Variants in TRIM6 observed in about 807,000 individuals in gnomAD.
TRIM6 encodes the protein tripartite motif-containing protein 6.
In TRIM6, 43 loss-of-function variants were observed where a neutral mutation model predicts 51.2. That is an observed-to-expected ratio of 0.84 (90% CI 0.66 to 1.08). TRIM6 has a LOEUF of 1.08. Ranked by LOEUF, TRIM6 falls within the 50% of genes least tolerant of loss-of-function variation. The probability of loss-of-function intolerance (pLI) is 0.00; values close to 1 mark genes in which losing one functional copy is unlikely to be tolerated. For synonymous variants in TRIM6, 215 were observed against 232.4 expected (o/e 0.93, Z 0.68); for missense variants, 669 against 619.0 (o/e 1.08, Z -0.86).
Position 5,610,765 on chromosome 11 carries a change from C to G in TRIM6, c.986-12C>G, listed in dbSNP as rs750428324. On this transcript the variant is annotated splice_polypyrimidine_tract_variant and intron_variant, in intron 7 of 7. Coordinates refer to ENST00000380097, the MANE Select transcript of TRIM6 (RefSeq NM_001003818.3). ...CCGTTCTCATCTGCTGATGTTGTACCTTTTCCTACAGTTGACGTGACCCTG... is the reference window on the plus strand; with the variant it reads ...CCGTTCTCATCTGCTGATGTTGTACGTTTTCCTACAGTTGACGTGACCCTG... 1.2e-6 allele frequency: 2 copies of G among 1,613,024 alleles called. No individual in the cohort carries two copies. Among genetic ancestry groups the G allele is most frequent in the Non-Finnish European group, 1.7e-6 (2 of 1,179,396 alleles).
chr11:5,605,259 C>A (rs1848135595), intron 3 of TRIM6, 78 bp from the exon 4 acceptor site: 2 of 1,599,906 alleles, frequency 1.3e-6, no homozygotes, highest in Non-Finnish European at 1.7e-6. Flanking sequence ...CAGTCCTGAG[C>A]CCAACTTCCC....
chr11:5,600,614 T>C (rs1011554668), intron 1 of TRIM6, among the ~76,000 whole-genome samples: 8 of 152,204 alleles, frequency 5.3e-5, no homozygotes, highest in Non-Finnish European at 1.0e-4. Flanking sequence ...CAGTTTGATA[T>C]ACTTTTTAAA....
chr11:5,607,198 C>G (rs1023947904), intron 4 of TRIM6, among the ~76,000 whole-genome samples: 2 of 150,722 alleles, frequency 1.3e-5, no homozygotes, highest in Non-Finnish European at 2.9e-5. Flanking sequence ...AGCAAGACTC[C>G]ATCTCAAAAA....
intron 1 of TRIM6, among the ~76,000 whole-genome samples, chr11:5,600,805 C>T (rs1423293755): frequency 5.3e-5 from 8 of 152,102 alleles, no homozygotes; most frequent in African/African-American, 7.2e-5. Context: ...AGCGAGGTCA[C>T]GCCTGGAACC....
At chr11:5,596,523 CCCCCTTCCCCCTT>C (rs1487607698), upstream of TRIM6, 3 of 9,306 alleles carry the variant, frequency 3.2e-4, no homozygotes, top group African/African-American at 9.9e-4. Context: ...TCTCCCCTTC[CCCCCTTCCCCCTT>C]CCCCCTTCCC....
At chr11:5,604,509 C>T (rs765785109) in intron 2 of TRIM6, 25 bp from the exon 3 acceptor site, 10 of 1,604,406 alleles carry the variant, frequency 6.2e-6, no homozygotes, top group Non-Finnish European at 8.5e-6. Context: ...CTTGATCCTG[C>T]TTGACCTGAT....
intron 1 of TRIM6, among the ~76,000 whole-genome samples, chr11:5,598,718 CAT>C (rs1476163026): frequency 6.6e-6 from 1 of 152,224 alleles, no homozygotes; most frequent in East Asian, 1.9e-4. Flanking sequence ...TATCTGGCTA[CAT>C]GTTTGACAAC....
intron 2 of TRIM6, among the ~76,000 whole-genome samples, chr11:5,604,304 G>T (rs1013908793): frequency 6.6e-6 from 1 of 152,174 alleles, no homozygotes; most frequent in African/African-American, 2.4e-5. Flanking sequence ...GTGAGCCACA[G>T]GTGCTTTGTG....
chr11:5,604,629 G>A lies in TRIM6; in HGVS notation c.603G>A (p.Lys201=). ...TCAGAGAGAAGAAAACATCCTGGAA[G>A]GCAAGGGAGACTTTTTCTGAAGATG... The part of the protein sequence containing the change: ...AFIREKKTSW[K]NQMEPERCRI... Residue 201 remains lysine, a splice_region_variant and synonymous_variant, in exon 3 of 8, where the codon AAG becomes AAA. Coordinates refer to ENST00000380097, the MANE Select transcript of TRIM6 (RefSeq NM_001003818.3). The A allele has an allele frequency of 1.2e-6, 2 of 1,610,418 alleles. No individual in the cohort carries two copies. Among genetic ancestry groups the A allele is most frequent in the Non-Finnish European group, 8.5e-7 (1 of 1,178,646 alleles).
rs977774553 is a variant in TRIM6 at position 5,596,705 on chromosome 11, G to A, written c.-193G>A. 1.1e-5 allele frequency: 9 copies of A among 811,308 alleles called. No homozygotes were observed. In the Admixed American group the frequency reaches 2.1e-4, roughly 19 times the overall value. 50.3% of individuals were successfully genotyped at this position (811,308 alleles called of 1,614,324 possible). On this transcript the variant is annotated 5_prime_UTR_variant, in exon 1 of 8. Transcript: ENST00000380097. ...GGGTCCGTCCGTTCAACGGCCAAAG[G>A]CTGGCGGAGGAGGGATCCCCTGCCT...
In TRIM6 at chr11:5,609,239, A is replaced by G. The variant is rs370409711; in HGVS notation, c.857+845A>G. 2.6e-5 allele frequency among the ~76,000 whole-genome samples: 4 copies of G among 152,290 alleles called. No individual in the cohort carries two copies. The South Asian group carries it at 8.3e-4, about 32-fold the overall frequency. Reference sequence around the variant, plus strand: ...CACAGACACACGAAATGGGAACCCTATCGTCCCTTCTGAAATCTGTACTCT... The same window carrying G: ...CACAGACACACGAAATGGGAACCCTGTCGTCCCTTCTGAAATCTGTACTCT... On this transcript the variant is annotated intron_variant, in intron 5 of 7. Coordinates refer to ENST00000380097, the MANE Select transcript of TRIM6 (RefSeq NM_001003818.3).
chr11:5,607,975 G>A (rs10734531), intron 4 of TRIM6, among the ~76,000 whole-genome samples: 105,212 of 152,040 alleles, frequency 0.69, 37,523 homozygotes, highest in African/African-American at 0.86. Flanking sequence ...TTGAGAAACA[G>A]CCATATATAA....
intron 4 of TRIM6, among the ~76,000 whole-genome samples, chr11:5,606,330 A>T (rs1848206557): frequency 6.6e-6 from 1 of 152,172 alleles, no homozygotes; most frequent in Non-Finnish European, 1.5e-5. Flanking sequence ...GAGAGATTTG[A>T]TGGAGGGACT....
chr11:5,602,214 G>A (rs1847903138), intron 1 of TRIM6, among the ~76,000 whole-genome samples: 1 of 152,142 alleles, frequency 6.6e-6, no homozygotes, highest in South Asian at 2.1e-4. Context: ...GCCAAGGCGG[G>A]CGGATCATGA....
At chr11:5,610,505 C>G (rs374184703) in intron 6 of TRIM6, 30 bp from the exon 7 acceptor site, 74 of 1,613,902 alleles carry the variant, frequency 4.6e-5, no homozygotes, top group Non-Finnish European at 6.2e-5. Context: ...TGGTCCTATT[C>G]AACATTATTG....
chr11:5,608,046 T>A (rs925129307), intron 4 of TRIM6, among the ~76,000 whole-genome samples: 5 of 152,196 alleles, frequency 3.3e-5, no homozygotes, highest in Admixed American at 6.5e-5. Context: ...AGGATAGAAA[T>A]TATGACTTCA....
chr11:5,611,673 G>T lies in TRIM6; in HGVS notation c.*331G>T. On this transcript the variant is annotated 3_prime_UTR_variant, in exon 8 of 8. Transcript: ENST00000380097. ...TCACCGTGTTGGCCAGGCTGATCTC[G>T]AACTCCTGACCGCAAGTGATCCACC... The T allele has an allele frequency of 1.7e-5, 4 of 232,286 alleles. No individual in the cohort carries two copies. The highest frequency in any genetic ancestry group is 3.4e-5 in the Non-Finnish European group (4 of 117,660). The allele number at this position is 232,286 out of a possible 1,614,324, so 14.4% of individuals were successfully genotyped here. A position where few individuals can be genotyped will look rare whatever the true frequency, so the allele number is the denominator to read the frequency against.
chr11:5,605,214 C>T, intron 3 of TRIM6, 123 bp from the exon 4 acceptor site: 1 of 1,286,078 alleles, frequency 7.8e-7, no homozygotes, highest in South Asian at 1.2e-5. Flanking sequence ...GCAGCATTTA[C>T]CCTCCCTCTC....
rs769959994 is a variant in TRIM6, at chr11:5,611,352, T to G, written c.*10T>G. 6 of 1,602,534 alleles carry G rather than the reference T, an allele frequency of 3.7e-6. No individual in the cohort carries two copies. In the South Asian group the frequency reaches 6.7e-5, roughly 18 times the overall value. On this transcript the variant is annotated 3_prime_UTR_variant, in exon 8 of 8. Coordinates refer to ENST00000380097, the MANE Select transcript of TRIM6 (RefSeq NM_001003818.3). ...TCGTCCAAGCTCTTGAATATTCTTC[T>G]GTTCCCACCCACTTCTGATAAGTAC... is the stretch of plus-strand genomic sequence containing the variant.
Sources: gnomAD v4.1 joint callset for allele counts (sites outside exome capture counted in the v4.1 genomes callset) on GRCh38, gnomAD v4.1.1 for gene constraint, MANE v1.5 for transcripts, NCBI Gene and HGNC (gene_info 2026-07-23, HGNC 2026-07-21) for gene names.